The following DST variants were observed in gnomAD, a reference collection of about 807,000 sequenced individuals.
DST encodes the protein bullous pemphigoid antigen.
In DST, 253 loss-of-function variants were observed where a neutral mutation model predicts 875.2. That is an observed-to-expected ratio of 0.29 (90% confidence interval 0.26 to 0.32). The LOEUF is 0.32. DST is among the 10% of genes least tolerant of loss of function. The pLI, the probability that DST is intolerant of heterozygous loss-of-function variation, is 1.00. For synonymous variants in DST, 3,124 were observed against 3,197.1 expected (o/e 0.98, Z 0.77); for missense variants, 8,287 against 9,111.6 (o/e 0.91, Z 3.68).
intron 3 of DST, among the ~76,000 whole-genome samples, chr6:56,894,320 CA>C (rs1789638772): frequency 1.0e-5 from 1 of 97,244 alleles, no homozygotes; most frequent in South Asian, 2.7e-4. Context: ...AGGCGCCCCT[CA>C]CCTCCTGGAT....
At chr6:56,792,114 T>G (rs1352769284) in intron 4 of DST, among the ~76,000 whole-genome samples, 2 of 151,330 alleles carry the variant, frequency 1.3e-5, no homozygotes, top group Non-Finnish European at 2.9e-5. Context: ...TTGGGACAAT[T>G]TAATCATCAA....
intron 4 of DST, among the ~76,000 whole-genome samples, chr6:56,797,235 T>C (rs1348725987): frequency 6.6e-6 from 1 of 152,126 alleles, no homozygotes. Flanking sequence ...AATCAAGAAA[T>C]GTGTGTTCTG....
intron 4 of DST, chr6:56,843,549 C>T: frequency 2.0e-6 from 2 of 984,088 alleles, no homozygotes; most frequent in South Asian, 9.4e-5. Context: ...TCTGCTGGCC[C>T]TGCACGAGGC....
At chr6:56,588,007 C>T (rs1335650240) in intron 49 of DST, among the ~76,000 whole-genome samples, 5 of 151,710 alleles carry the variant, frequency 3.3e-5, no homozygotes, top group East Asian at 1.9e-4. Flanking sequence ...CATCAACTAA[C>T]GAGCAAAATA....
chr6:56,568,420 A>G (rs1484711161), intron 55 of DST, 49 bp downstream of exon 55: 2 of 1,565,122 alleles, frequency 1.3e-6, no homozygotes, highest in Non-Finnish European at 1.7e-6. Flanking sequence ...AATTGACATG[A>G]GTAAACCTGA....
Position 56,568,494 on chromosome 6 carries a change from T to C in DST, c.13980A>G (p.Ala4660=). ...CNLISAVTTP[A]KAIAAVKSGG... is the part of the protein sequence containing the mutation. ...CTGATTTAACTGCTGCTATTGCCTTTGCAGGGGTGGTCACAGCACTTATTA... is the reference window on the plus strand; with the variant it reads ...CTGATTTAACTGCTGCTATTGCCTTCGCAGGGGTGGTCACAGCACTTATTA... Residue 4660 remains alanine, a synonymous_variant, in exon 55 of 104, where the codon GCA becomes GCG. Coordinates refer to ENST00000680361, the MANE Select transcript of DST (RefSeq NM_001374736.1). The C allele has an allele frequency of 6.2e-7, 1 of 1,609,242 alleles. No individual in the cohort carries two copies. The highest frequency in any genetic ancestry group is 8.5e-7 in the Non-Finnish European group (1 of 1,178,484).
chr6:56,502,464 T>A (rs2096165105), intron 78 of DST, among the ~76,000 whole-genome samples: 1 of 152,060 alleles, frequency 6.6e-6, no homozygotes, highest in Non-Finnish European at 1.5e-5. Context: ...ACCCACTTAT[T>A]GGGGAAATAA....
chr6:56,861,144 CACTT>C (rs1313350491), intron 3 of DST, among the ~76,000 whole-genome samples: 2 of 151,260 alleles, frequency 1.3e-5, no homozygotes, highest in Non-Finnish European at 1.5e-5. Context: ...AGCTTTTACA[CACTT>C]ACTCTTTCAC....
intron 3 of DST, 50 bp downstream of exon 3, chr6:56,900,371 T>TG (rs779303947): frequency 1.5e-6 from 2 of 1,292,384 alleles, no homozygotes; most frequent in South Asian, 2.4e-5. Context: ...AACAACCACA[T>TG]GATTTGACAG....
chr6:56,497,607 ATTC>A (rs1029333254), intron 81 of DST, 100 bp from the exon 82 acceptor site: 2 of 1,419,646 alleles, frequency 1.4e-6, no homozygotes, highest in African/African-American at 2.8e-5. Flanking sequence ...CTCTCTATGC[ATTC>A]TTAAGAACAG....
At chr6:56,484,388 G>A (rs1011466261) in intron 88 of DST, 1 of 151,324 alleles carries the variant, frequency 6.6e-6, no homozygotes, top group African/African-American at 2.4e-5. Context: ...ACTCTCTTAT[G>A]GGTATAATGA....
chr6:56,588,925 A>C (rs2098216554), intron 49 of DST, among the ~76,000 whole-genome samples: 1 of 152,126 alleles, frequency 6.6e-6, no homozygotes, highest in South Asian at 2.1e-4. Flanking sequence ...TAATTACGGG[A>C]AGTGTAAAAA....
At position 56,654,907 on chromosome 6, in the gene DST, T is replaced by A. The variant is rs539452699; in HGVS notation, c.1215-3663A>T. On this transcript the variant is annotated intron_variant, in intron 10 of 103. Transcript: ENST00000680361. Reference sequence around the variant, plus strand: ...TGGGCGCAGTGGCTCATGCCTGTAATCCCAGCACTTTTGGAGGCCGAGATG... The same window carrying A: ...TGGGCGCAGTGGCTCATGCCTGTAAACCCAGCACTTTTGGAGGCCGAGATG... Among the ~76,000 whole-genome samples, 353 of 152,176 alleles carry A rather than the reference T, an allele frequency of 2.3e-3. 1 individual carries two copies. Among genetic ancestry groups the A allele is most frequent in the African/African-American group, 8.3e-3 (345 of 41,512 alleles).
intron 49 of DST, among the ~76,000 whole-genome samples, chr6:56,581,197 A>G (rs775546834): frequency 3.3e-5 from 5 of 152,172 alleles, no homozygotes; most frequent in African/African-American, 4.8e-5. Context: ...TTGGAACCCA[A>G]ACTGGAAACA....
At position 56,459,109 on chromosome 6, in the gene DST, T is replaced by A. The variant is rs769636857; in HGVS notation, c.23353A>T (p.Thr7785Ser). 2.5e-6 allele frequency: 4 copies of A among 1,613,898 alleles called. No individual in the cohort carries two copies. Among genetic ancestry groups the A allele is most frequent in the Admixed American group, 1.7e-5 (1 of 60,008 alleles). The change falls in exon 104 of 104, where the codon ACA becomes TCA. Residue 7785 changes from threonine (T) to serine (S), a missense_variant. By Grantham distance (58) the Thr-to-Ser change is moderately conservative (BLOSUM62 1). Transcript: ENST00000680361. ...GATGGCCGAGAACCTGCTCGGGGTG[T>A]AGGTCTGTGTGTCTGGGGGACAGTT... Reference protein sequence around the residue: ...VETVPQTHRPTPRAGSRPSTA... With the variant: ...VETVPQTHRPSPRAGSRPSTA...
At chr6:56,851,995 T>G in intron 3 of DST, 1 of 1,444,016 alleles carries the variant, frequency 6.9e-7, no homozygotes, top group Non-Finnish European at 9.1e-7. Flanking sequence ...ATATTTTCCA[T>G]TACTAGCCTG....
intron 97 of DST, 125 bp downstream of exon 97, chr6:56,469,758 T>C (rs748061661): frequency 6.3e-6 from 5 of 793,380 alleles, no homozygotes; most frequent in African/African-American, 1.7e-5. Flanking sequence ...TCATATACCA[T>C]TAAATTTTGA....
chr6:56,483,286 G>T (rs1210296268), intron 88 of DST, among the ~76,000 whole-genome samples: 2 of 152,098 alleles, frequency 1.3e-5, no homozygotes, highest in African/African-American at 4.8e-5. Context: ...GTGGATGCTG[G>T]CTTTGGCACT....
chr6:56,529,907 C>T (rs2096865829), intron 65 of DST, 67 bp downstream of exon 65: 8 of 1,574,500 alleles, frequency 5.1e-6, no homozygotes, highest in Non-Finnish European at 6.9e-6. Context: ...TAGTACATAA[C>T]TCAAATTTAT....
Sources: gnomAD v4.1 joint callset for allele counts (sites outside exome capture counted in the v4.1 genomes callset) on GRCh38, gnomAD v4.1.1 for gene constraint, MANE v1.5 for transcripts, NCBI Gene and HGNC (gene_info 2026-07-23, HGNC 2026-07-21) for gene names.